The following SCFD2 variants were observed in gnomAD, a reference collection of about 807,000 sequenced individuals.
The protein encoded by SCFD2 is sec1 family domain-containing protein 2.
Under a neutral mutation model 58.9 loss-of-function variants are expected in SCFD2, and 54 were observed. The observed-to-expected ratio is 0.92, with a 90% CI of 0.74 to 1.15. SCFD2 has a LOEUF of 1.15. Ranked by LOEUF, SCFD2 falls within the 50% of genes most tolerant of loss-of-function variation. SCFD2 has a pLI of 0.00. For missense variants in SCFD2, 805 were observed against 836.6 expected, an observed-to-expected ratio of 0.96 and a Z score of 0.47; for synonymous variants, 321 against 335.9, an observed-to-expected ratio of 0.96 and a Z score of 0.49.
chr4:53,154,624 G>A (rs1408114512), intron 4 of SCFD2, among the ~76,000 whole-genome samples: 1 of 152,204 alleles, frequency 6.6e-6, no homozygotes, highest in Non-Finnish European at 1.5e-5. Context: ...CTTATAGGAT[G>A]TTGCCAGTGG....
intron 5 of SCFD2, among the ~76,000 whole-genome samples, chr4:53,013,480 G>C (rs1186160796): frequency 6.6e-6 from 1 of 152,068 alleles, no homozygotes; most frequent in Non-Finnish European, 1.5e-5. Flanking sequence ...TATTACTTGG[G>C]ATTTTGCCAT....
At chr4:52,889,723 C>A (rs931002050) in intron 7 of SCFD2, among the ~76,000 whole-genome samples, 1 of 152,172 alleles carries the variant, frequency 6.6e-6, no homozygotes, top group African/African-American at 2.4e-5. Context: ...CCAGTGTAAC[C>A]AGTACCCAGA....
At chr4:53,154,251 G>A (rs1386743187) in intron 4 of SCFD2, among the ~76,000 whole-genome samples, 2 of 152,218 alleles carry the variant, frequency 1.3e-5, no homozygotes, top group African/African-American at 4.8e-5. Flanking sequence ...CAGTTCTGCA[G>A]GCTGTACAAG....
chr4:53,079,037 C>T (rs1004783777), intron 5 of SCFD2, among the ~76,000 whole-genome samples: 7 of 152,112 alleles, frequency 4.6e-5, no homozygotes, highest in Admixed American at 4.6e-4. Flanking sequence ...TAGGAAGTGG[C>T]TCACATAACT....
At chr4:53,023,497 G>A (rs539118130) in intron 5 of SCFD2, among the ~76,000 whole-genome samples, 7 of 152,138 alleles carry the variant, frequency 4.6e-5, no homozygotes, top group South Asian at 4.2e-4. Context: ...AGATTGCTGT[G>A]ATATTAGACC....
At chr4:53,350,437 A>C (rs549792249) in intron 2 of SCFD2, among the ~76,000 whole-genome samples, 2 of 152,280 alleles carry the variant, frequency 1.3e-5, no homozygotes, top group African/African-American at 4.8e-5. Context: ...TATTCCTAGA[A>C]CTATTTTGTC....
At chr4:53,219,897 T>C (rs1728996799) in intron 4 of SCFD2, among the ~76,000 whole-genome samples, 1 of 152,198 alleles carries the variant, frequency 6.6e-6, no homozygotes, top group Non-Finnish European at 1.5e-5. Flanking sequence ...TGCCAAGGTC[T>C]ACAAGGCCTA....
At chr4:53,064,902 A>G (rs185389898) in intron 5 of SCFD2, among the ~76,000 whole-genome samples, 72 of 152,278 alleles carry the variant, frequency 4.7e-4, no homozygotes, top group African/African-American at 1.6e-3. Context: ...TCTGGCATGT[A>G]GAAAGTACTC....
At chr4:53,331,293 A>AT (rs1245750867) in intron 2 of SCFD2, among the ~76,000 whole-genome samples, 1 of 151,132 alleles carries the variant, frequency 6.6e-6, no homozygotes, top group East Asian at 1.9e-4. Flanking sequence ...CAGAATATAC[A>AT]TTTTTTTCAG....
At chr4:53,198,159 C>T (rs563383083) in intron 4 of SCFD2, among the ~76,000 whole-genome samples, 12 of 152,100 alleles carry the variant, frequency 7.9e-5, no homozygotes, top group South Asian at 2.1e-4. Flanking sequence ...TCTGGAAATA[C>T]GAGTGATTGC....
chr4:53,016,415 C>A (rs1230331395), intron 5 of SCFD2, among the ~76,000 whole-genome samples: 1 of 152,290 alleles, frequency 6.6e-6, no homozygotes, highest in East Asian at 1.9e-4. Flanking sequence ...GAGCAGAAAG[C>A]AAGCAAGTCA....
intron 5 of SCFD2, among the ~76,000 whole-genome samples, chr4:52,991,301 C>T (rs934120742): frequency 6.6e-6 from 1 of 152,142 alleles, no homozygotes; most frequent in Admixed American, 6.5e-5. Flanking sequence ...TATTATTATT[C>T]CTCCTATCTA....
intron 5 of SCFD2, among the ~76,000 whole-genome samples, chr4:52,965,014 A>C (rs981039780): frequency 2.1e-5 from 3 of 144,856 alleles, no homozygotes; most frequent in East Asian, 2.1e-4. Context: ...ACAAAACACA[A>C]ACACACACAC....
chr4:53,338,575 C>CTTTTTTTTTTTTT lies in SCFD2; in HGVS notation c.1007+14010_1007+14022dup, dbSNP rs56263068. Among the ~76,000 whole-genome samples, 174 of 72,318 alleles carry CTTTTTTTTTTTTT rather than the reference C, an allele frequency of 2.4e-3. 33 individuals are homozygous for CTTTTTTTTTTTTT. The highest frequency in any genetic ancestry group is 4.6e-3 in the South Asian group (7 of 1,514). The allele number at this position is 72,318 out of a possible 152,430, so 47.4% of individuals were successfully genotyped here. On this transcript the variant is annotated intron_variant, in intron 2 of 8. Coordinates refer to ENST00000401642, the MANE Select transcript of SCFD2 (RefSeq NM_152540.4). ...GGCCAAAAGAAAGCAGTATATTTTT[C>CTTTTTTTTTTTTT]TTTTTTTTTTTTTTTTTTTTTGTGA...
chr4:53,206,566 T>C (rs1728412883), intron 4 of SCFD2, among the ~76,000 whole-genome samples: 1 of 152,140 alleles, frequency 6.6e-6, no homozygotes, highest in African/African-American at 2.4e-5. Flanking sequence ...CAAGTTTTTT[T>C]AATCGTAAAA....
chr4:52,940,272 C>A (rs1720258214), intron 5 of SCFD2, among the ~76,000 whole-genome samples: 1 of 152,078 alleles, frequency 6.6e-6, no homozygotes, highest in Admixed American at 6.6e-5. Flanking sequence ...AGCCAAGGAC[C>A]CCAGAATGGC....
chr4:52,954,301 G>A (rs560240479), intron 5 of SCFD2, among the ~76,000 whole-genome samples: 1 of 152,248 alleles, frequency 6.6e-6, no homozygotes, highest in African/African-American at 2.4e-5. Flanking sequence ...CAGTCTGAGT[G>A]CCTGTATTCT....
intron 4 of SCFD2, among the ~76,000 whole-genome samples, chr4:53,207,176 T>G (rs1283418339): frequency 2.0e-5 from 3 of 151,874 alleles, no homozygotes; most frequent in Non-Finnish European, 4.4e-5. Flanking sequence ...TTTGCCCTTA[T>G]GACCCAATTA....
chr4:53,073,634 A>C (rs151178985), intron 5 of SCFD2, among the ~76,000 whole-genome samples: 1 of 152,284 alleles, frequency 6.6e-6, no homozygotes, highest in East Asian at 1.9e-4. Context: ...ATCTGCAGAC[A>C]TGAGTGGGCA....
Sources: allele counts gnomAD v4.1 joint callset (sites outside exome capture counted in the v4.1 genomes callset), GRCh38; gene constraint gnomAD v4.1.1; transcripts MANE v1.5; gene names NCBI Gene and HGNC (gene_info 2026-07-23, HGNC 2026-07-21).